Variants in EPB41L5 observed in about 807,000 individuals in gnomAD.
EPB41L5 encodes band 4.1-like protein 5.
EPB41L5 carries 55 observed loss-of-function variants against 106.6 expected under a neutral mutation model. The ratio of observed to expected loss-of-function variants is 0.52; its 90% CI spans 0.42 to 0.65. The LOEUF (loss-of-function observed/expected upper bound fraction) is 0.65. Among genes scored for constraint, EPB41L5 ranks in the 30% least tolerant of loss-of-function variants. EPB41L5 has a pLI of 0.00. For synonymous variants in EPB41L5, 297 were observed against 306.7 expected, an observed-to-expected ratio of 0.97 and a Z score of 0.33; for missense variants, 871 against 882.1, an observed-to-expected ratio of 0.99 and a Z score of 0.16.
At chr2:120,024,735 AG>A (rs1678192315) in intron 2 of EPB41L5, among the ~76,000 whole-genome samples, 1 of 152,152 alleles carries the variant, frequency 6.6e-6, no homozygotes, top group Admixed American at 6.5e-5. Flanking sequence ...CTGGAATTAC[AG>A]GCGTGAGCCA....
intron 20 of EPB41L5, among the ~76,000 whole-genome samples, chr2:120,152,575 G>A (rs781421987): frequency 2.6e-5 from 4 of 152,124 alleles, no homozygotes; most frequent in African/African-American, 4.8e-5. Flanking sequence ...TTCTTACAAT[G>A]TCTTTATTTG....
At chr2:120,100,621 TACTCC>T in intron 15 of EPB41L5, 73 bp from the exon 16 acceptor site, 1 of 974,508 alleles carries the variant, frequency 1.0e-6, no homozygotes, top group Non-Finnish European at 1.6e-6. Context: ...TTGTAAATAG[TACTCC>T]ATTTTAGTAT....
chr2:120,032,279 G>A (rs192856866), intron 2 of EPB41L5, among the ~76,000 whole-genome samples: 1 of 152,302 alleles, frequency 6.6e-6, no homozygotes, highest in East Asian at 1.9e-4. Flanking sequence ...TCAGGAGGCT[G>A]AGGCAGGAGA....
At chr2:120,171,300 G>A (rs1458221708) in intron 24 of EPB41L5, among the ~76,000 whole-genome samples, 1 of 152,222 alleles carries the variant, frequency 6.6e-6, no homozygotes, top group Admixed American at 6.5e-5. Context: ...AAAAGGCAAC[G>A]AAATTGTAGG....
chr2:120,145,189 A>T (rs1412147116), intron 19 of EPB41L5, among the ~76,000 whole-genome samples: 2 of 152,230 alleles, frequency 1.3e-5, no homozygotes, highest in African/African-American at 4.8e-5. Context: ...AATGCATCAG[A>T]CATACACATA....
chr2:120,059,462 T>TA (rs1044040958), intron 3 of EPB41L5, among the ~76,000 whole-genome samples: 29 of 152,074 alleles, frequency 1.9e-4, no homozygotes, highest in Non-Finnish European at 3.1e-4. Context: ...GGATGATTTT[T>TA]AAAAAAAAGA....
chr2:120,104,757 A>G, intron 16 of EPB41L5: 3 of 898,096 alleles, frequency 3.3e-6, no homozygotes, highest in Non-Finnish European at 4.0e-6. Flanking sequence ...CTAAGATTTT[A>G]ATTAATATAA....
intron 20 of EPB41L5, among the ~76,000 whole-genome samples, chr2:120,152,221 G>GAA: frequency 6.6e-6 from 1 of 152,188 alleles, no homozygotes; most frequent in African/African-American, 2.4e-5. Context: ...TTTTTATCAT[G>GAA]AAAAAGTGTT....
rs561469568 is a variant in EPB41L5 at position 120,055,945 on chromosome 2, A to G, written c.285+13835A>G. On this transcript the variant is annotated intron_variant, in intron 3 of 24. Transcript: ENST00000263713. Reference sequence around the variant, plus strand: ...TTTTTTTCTTTCCTTTTCTTTCCTCAGTGCCCTGGCTAGAACCTTCAATAA... The same window carrying G: ...TTTTTTTCTTTCCTTTTCTTTCCTCGGTGCCCTGGCTAGAACCTTCAATAA... Among the ~76,000 whole-genome samples the G allele has an allele frequency of 1.5e-3, 225 of 152,196 alleles. 2 individuals are homozygous for G. The highest frequency in any genetic ancestry group is 5.1e-3 in the African/African-American group (210 of 41,524).
intron 16 of EPB41L5, 90 bp from the exon 17 acceptor site, chr2:120,127,598 G>A: frequency 1.0e-6 from 1 of 987,630 alleles, no homozygotes; most frequent in Non-Finnish European, 1.5e-6. Context: ...TCACAGATGT[G>A]GTGGAAATTG....
At chr2:120,042,416 CTG>C (rs904147722) in intron 3 of EPB41L5, among the ~76,000 whole-genome samples, 11 of 152,176 alleles carry the variant, frequency 7.2e-5, no homozygotes, top group Non-Finnish European at 1.3e-4. Flanking sequence ...TTGAGAAACA[CTG>C]TGTACTGGAA....
chr2:120,073,145 C>A, intron 3 of EPB41L5, 33 bp from the exon 4 acceptor site: 1 of 1,593,660 alleles, frequency 6.3e-7, no homozygotes, highest in Non-Finnish European at 8.6e-7. Context: ...GTTCTGTCAT[C>A]TGCTTAACTA....
At chr2:120,144,433 G>A (rs537730633) in intron 19 of EPB41L5, among the ~76,000 whole-genome samples, 1 of 152,312 alleles carries the variant, frequency 6.6e-6, no homozygotes, top group South Asian at 2.1e-4. Context: ...AATGGACTAA[G>A]AAATCATTAC....
chr2:120,048,528 C>T (rs535575230), intron 3 of EPB41L5, among the ~76,000 whole-genome samples: 6 of 151,364 alleles, frequency 4.0e-5, no homozygotes, highest in South Asian at 4.2e-4. Context: ...TTTTTTATTG[C>T]GTCTATTTGA....
At chr2:120,039,218 G>C (rs1487014542) in intron 2 of EPB41L5, among the ~76,000 whole-genome samples, 2 of 152,072 alleles carry the variant, frequency 1.3e-5, no homozygotes, top group African/African-American at 4.8e-5. Context: ...AGATACATGG[G>C]ATGGGCAAAT....
chr2:120,154,430 G>C (rs1686817568), intron 20 of EPB41L5, among the ~76,000 whole-genome samples: 1 of 151,576 alleles, frequency 6.6e-6, no homozygotes, highest in African/African-American at 2.4e-5. Context: ...CTCCCAAAGT[G>C]CTGGGATTAC....
At chr2:120,144,566 A>G (rs1686317751) in intron 19 of EPB41L5, among the ~76,000 whole-genome samples, 1 of 152,220 alleles carries the variant, frequency 6.6e-6, no homozygotes. Flanking sequence ...AGAGAAATCC[A>G]GGATCAAATA....
chr2:120,085,608 C>A (rs190951838), intron 10 of EPB41L5, among the ~76,000 whole-genome samples: 11 of 152,318 alleles, frequency 7.2e-5, no homozygotes, highest in African/African-American at 2.6e-4. Flanking sequence ...AAACTCCGTG[C>A]TGAGAGAACC....
At chr2:120,035,953 A>AGTCTGGT in intron 2 of EPB41L5, among the ~76,000 whole-genome samples, 1 of 152,212 alleles carries the variant, frequency 6.6e-6, no homozygotes, top group East Asian at 1.9e-4. Context: ...TGGTGGCTGC[A>AGTCTGGT]GTCTGGTTTA....
Sources: allele counts gnomAD v4.1 joint callset (sites outside exome capture counted in the v4.1 genomes callset), GRCh38; gene constraint gnomAD v4.1.1; transcripts MANE v1.5; gene names NCBI Gene and HGNC (gene_info 2026-07-23, HGNC 2026-07-21).